Variants in HPGDS observed in about 807,000 individuals in gnomAD.
The protein encoded by HPGDS is GST class-sigma.
A neutral mutation model predicts 23.1 loss-of-function variants in HPGDS; 26 were observed. The ratio of observed to expected loss-of-function variants is 1.13; its 90% CI spans 0.83 to 1.56. The LOEUF (loss-of-function observed/expected upper bound fraction) is 1.56, where lower values mean the gene tolerates loss of function less well. HPGDS is among the 40% of genes most tolerant of loss of function. The pLI is 0.00. For synonymous variants in HPGDS, 95 were observed against 77.9 expected, an observed-to-expected ratio of 1.22 and a Z score of -1.16; for missense variants, 268 against 236.4, an observed-to-expected ratio of 1.13 and a Z score of -0.88.
intron 1 of HPGDS, 48 bp from the exon 2 acceptor site, chr4:94,334,686 G>A: frequency 6.6e-7 from 1 of 1,510,190 alleles, no homozygotes; most frequent in Non-Finnish European, 8.9e-7. Flanking sequence ...CTCTAGAGAT[G>A]CCTCAATATT....
chr4:94,334,822 A>G (rs77246533), intron 1 of HPGDS, among the ~76,000 whole-genome samples, 184 bp from the exon 2 acceptor site: 5,716 of 152,294 alleles, frequency 0.038, 354 homozygotes, highest in African/African-American at 0.13. Context: ...GGTTGAAATC[A>G]GATCATGACT....
intron 1 of HPGDS, among the ~76,000 whole-genome samples, chr4:94,340,312 T>TC (rs1560598035): frequency 1.0e-3 from 7 of 6,676 alleles, no homozygotes; most frequent in East Asian, 5.5e-3. Context: ...TTTCTTTCTC[T>TC]TTTTTTTTTT....
chr4:94,333,591 TA>T (rs1350873217), intron 2 of HPGDS, among the ~76,000 whole-genome samples: 1 of 152,250 alleles, frequency 6.6e-6, no homozygotes, highest in Non-Finnish European at 1.5e-5. Context: ...CTTTGTCTAT[TA>T]AAACATTTGA....
rs1340625257 is a variant in HPGDS, at chr4:94,302,074, A to C, written c.435+72T>G. On this transcript the variant is annotated intron_variant, in intron 5 of 5. Transcript: ENST00000295256. ...CCCTCCCTATAGGTAACTTTTTTTC[A>C]GTAAGTTTTTATACTTCTATTGGTT... is the stretch of plus-strand genomic sequence containing the variant. The C allele has an allele frequency of 3.6e-6, 4 of 1,125,192 alleles. No individual in the cohort carries two copies. In the Admixed American group the frequency reaches 5.9e-5, roughly 17 times the overall value. 69.7% of individuals were successfully genotyped at this position (1,125,192 alleles called of 1,614,324 possible). A position where few individuals can be genotyped will look rare whatever the true frequency, so the allele number is the denominator to read the frequency against.
At chr4:94,337,608 G>T (rs766749698) in intron 1 of HPGDS, among the ~76,000 whole-genome samples, 27 of 152,126 alleles carry the variant, frequency 1.8e-4, no homozygotes, top group Non-Finnish European at 3.2e-4. Context: ...CCAGGAGGCA[G>T]AGGTTGCAGT....
At chr4:94,329,709 G>T (rs1756702357) in intron 2 of HPGDS, among the ~76,000 whole-genome samples, 1 of 152,206 alleles carries the variant, frequency 6.6e-6, no homozygotes, top group South Asian at 2.1e-4. Flanking sequence ...TACTGGAAGT[G>T]TTTGAGCCAA....
chr4:94,333,774 A>G (rs561958032), intron 2 of HPGDS, among the ~76,000 whole-genome samples: 3 of 152,376 alleles, frequency 2.0e-5, no homozygotes, highest in East Asian at 3.9e-4. Context: ...AAAATTTATT[A>G]CATGTAATAT....
chr4:94,322,804 G>T lies in HPGDS; in HGVS notation c.134-4839C>A, dbSNP rs145255030. Among the ~76,000 whole-genome samples, 839 of 152,188 alleles carry T rather than the reference G, an allele frequency of 5.5e-3. 4 individuals are homozygous for T. Among genetic ancestry groups the T allele is most frequent in the African/African-American group, 0.019 (784 of 41,498 alleles). ...CTTACTTATTTCTTGCCTTCTGCTA[G>T]CTTTTGAATGTGTTTGCTCTTGCTT... On this transcript the variant is annotated intron_variant, in intron 2 of 5. Transcript: ENST00000295256.
chr4:94,299,685 G>A, intron 5 of HPGDS, 41 bp from the exon 6 acceptor site: 1 of 1,567,406 alleles, frequency 6.4e-7, no homozygotes, highest in South Asian at 1.1e-5. Flanking sequence ...AACATAGAAA[G>A]TGTAGCTGTA....
Position 94,339,099 on chromosome 4 carries a change from T to C in HPGDS, c.-10+3696A>G, listed in dbSNP as rs994137973. Among the ~76,000 whole-genome samples, 5 of 152,202 alleles carry C rather than the reference T, an allele frequency of 3.3e-5. No individual in the cohort carries two copies. The East Asian group carries it at 9.6e-4, about 29-fold the overall frequency. ...GAGACTGAAACTAGACTAAAATGGTTCTGAGACAATAGAGGGAAAATAAGC... is the reference window on the plus strand; with the variant it reads ...GAGACTGAAACTAGACTAAAATGGTCCTGAGACAATAGAGGGAAAATAAGC... On this transcript the variant is annotated intron_variant, in intron 1 of 5. Transcript: ENST00000295256.
At chr4:94,314,582 G>T (rs1268752027) in intron 3 of HPGDS, among the ~76,000 whole-genome samples, 3 of 152,134 alleles carry the variant, frequency 2.0e-5, no homozygotes, top group Non-Finnish European at 2.9e-5. Flanking sequence ...GCTACTCAGG[G>T]GTCAGAGACC....
At chr4:94,332,117 A>G (rs1351211789) in intron 2 of HPGDS, among the ~76,000 whole-genome samples, 4 of 152,108 alleles carry the variant, frequency 2.6e-5, no homozygotes, top group African/African-American at 9.7e-5. Flanking sequence ...GCCCAGCTGG[A>G]GAGAGTTGAC....
At chr4:94,310,872 C>G (rs1579430901) in intron 3 of HPGDS, among the ~76,000 whole-genome samples, 1 of 152,050 alleles carries the variant, frequency 6.6e-6, no homozygotes, top group African/African-American at 2.4e-5. Context: ...AGTTGGATTC[C>G]TAGGTATTTT....
intron 2 of HPGDS, among the ~76,000 whole-genome samples, chr4:94,324,428 C>T (rs1339199246): frequency 2.6e-5 from 4 of 151,878 alleles, no homozygotes; most frequent in African/African-American, 7.3e-5. Flanking sequence ...TTCACATAGT[C>T]GCATGTTTCT....
chr4:94,328,429 G>T (rs976595964), intron 2 of HPGDS, among the ~76,000 whole-genome samples: 1 of 152,056 alleles, frequency 6.6e-6, no homozygotes, highest in Non-Finnish European at 1.5e-5. Context: ...CACAAATATC[G>T]GACAGACTGA....
chr4:94,332,641 G>C (rs1026173003), intron 2 of HPGDS, among the ~76,000 whole-genome samples: 3 of 152,246 alleles, frequency 2.0e-5, no homozygotes, highest in South Asian at 4.1e-4. Context: ...GGGATTGAGT[G>C]CAGTGGGCCA....
At chr4:94,315,006 G>C (rs1435122471) in intron 3 of HPGDS, among the ~76,000 whole-genome samples, 13 of 152,194 alleles carry the variant, frequency 8.5e-5, no homozygotes, top group Admixed American at 4.6e-4. Context: ...TGTTAGGGTA[G>C]GAGTGACCCG....
Position 94,299,275 on chromosome 4 carries a change from T to C in HPGDS, c.*205A>G, listed in dbSNP as rs1755983876. The C allele has an allele frequency of 2.0e-6, 1 of 490,630 alleles. No homozygotes were observed. The highest frequency in any genetic ancestry group is 4.5e-5 in the South Asian group (1 of 22,202). 30.4% of individuals were successfully genotyped at this position (490,630 alleles called of 1,614,324 possible). ...CATACTATTTTTCTGTAATTGTAAA[T>C]GATGAGAAGCTATTCTGAAAGAAAA... is the stretch of plus-strand genomic sequence containing the variant. On this transcript the variant is annotated 3_prime_UTR_variant, in exon 6 of 6. Transcript: ENST00000295256.
chr4:94,303,987 C>A (rs1267440114), intron 4 of HPGDS: 1 of 151,658 alleles, frequency 6.6e-6, no homozygotes, highest in Non-Finnish European at 1.5e-5. Context: ...GTACAATCAA[C>A]CAAAATAACA....
Sources: allele counts gnomAD v4.1 joint callset (sites outside exome capture counted in the v4.1 genomes callset), GRCh38; gene constraint gnomAD v4.1.1; transcripts MANE v1.5; gene names NCBI Gene and HGNC (gene_info 2026-07-23, HGNC 2026-07-21).